Variants in JADE3 observed in about 807,000 individuals in gnomAD.
JADE3 encodes the protein protein Jade-3.
Under a neutral mutation model 50.1 loss-of-function variants are expected in JADE3, and 2 were observed. That is an observed-to-expected ratio of 0.04 (90% CI 0.02 to 0.13). The LOEUF is 0.13. JADE3 is among the 10% of genes least tolerant of loss of function. The probability of loss-of-function intolerance (pLI) is 1.00; values close to 1 mark genes in which losing one functional copy is unlikely to be tolerated. For synonymous variants in JADE3, 218 were observed against 232.9 expected, an observed-to-expected ratio of 0.94 and a Z score of 0.58; for missense variants, 475 against 634.4, an observed-to-expected ratio of 0.75 and a Z score of 2.70.
chrX:46,947,363 G>A (rs1246636259), intron 1 of JADE3, among the ~76,000 whole-genome samples: 3 of 111,449 alleles, frequency 2.7e-5, no homozygotes, highest in Non-Finnish European at 5.7e-5. Flanking sequence ...CCTTGAGCCC[G>A]GAGGGGTAGA....
intron 9 of JADE3, among the ~76,000 whole-genome samples, chrX:47,055,423 G>A (rs1418446943): frequency 4.5e-5 from 5 of 111,375 alleles, no homozygotes; most frequent in African/African-American, 1.6e-4. Flanking sequence ...CTCACATATA[G>A]CACCTACTAT....
intron 1 of JADE3, among the ~76,000 whole-genome samples, chrX:46,967,448 T>C (rs782575188): frequency 1.4e-3 from 160 of 111,877 alleles, no homozygotes; most frequent in Non-Finnish European, 2.3e-3. Context: ...ATAGGAGAAA[T>C]GAATAGAAAG....
intron 3 of JADE3, among the ~76,000 whole-genome samples, chrX:46,997,716 ACTTTT>A (rs781987567): frequency 1.8e-5 from 2 of 112,367 alleles, no homozygotes; most frequent in South Asian, 7.4e-4. Context: ...CTATTTGATA[ACTTTT>A]CTTTAAGTCT....
At chrX:46,988,613 C>T (rs1927914909) in intron 3 of JADE3, among the ~76,000 whole-genome samples, 1 of 111,091 alleles carries the variant, frequency 9.0e-6, no homozygotes, top group Non-Finnish European at 1.9e-5. Context: ...GAGAACAAAC[C>T]TGGAATTGAA....
chrX:46,996,564 G>A (rs782310259), intron 3 of JADE3, among the ~76,000 whole-genome samples: 10 of 112,028 alleles, frequency 8.9e-5, no homozygotes, highest in Non-Finnish European at 1.3e-4. Flanking sequence ...TGCTCCCTCC[G>A]TAGGTTTTAA....
intron 1 of JADE3, among the ~76,000 whole-genome samples, chrX:46,980,267 C>A (rs1392142582): frequency 9.0e-6 from 1 of 111,148 alleles, no homozygotes; most frequent in African/African-American, 3.3e-5. Flanking sequence ...AGTTCATTGT[C>A]AGATATGTGT....
At position 47,058,522 on chromosome X, in the gene JADE3, T is replaced by C; in HGVS notation, c.1917T>C (p.Pro639=). ...ATCATGGGCAGTCACTGGGAAAGCC[T>C]CTGGTCCTTCAGGCTGCCCTCCATG... The part of the protein sequence containing the change: ...ECYHGQSLGK[P]LVLQAALHGQ... The change falls in exon 11 of 11, where the codon CCT becomes CCC. Residue 639 remains proline (P), a synonymous_variant. Coordinates refer to ENST00000614628, the MANE Select transcript of JADE3 (RefSeq NM_014735.5). The C allele has an allele frequency of 8.3e-7, 1 of 1,211,601 alleles. No homozygotes were observed. The highest frequency in any genetic ancestry group is 1.1e-6 in the Non-Finnish European group (1 of 895,422).
intron 7 of JADE3, among the ~76,000 whole-genome samples, chrX:47,035,010 C>T (rs782493176): frequency 9.0e-6 from 1 of 111,286 alleles, no homozygotes; most frequent in African/African-American, 3.3e-5. Flanking sequence ...CATTATCTAG[C>T]CTGGTCCTTC....
intron 1 of JADE3, among the ~76,000 whole-genome samples, chrX:46,968,397 T>C (rs1927411091): frequency 9.0e-6 from 1 of 110,954 alleles, no homozygotes; most frequent in South Asian, 3.9e-4. Flanking sequence ...AAAGTAATGA[T>C]ACAGTGAGTT....
chrX:46,937,407 G>A (rs1450491393), intron 1 of JADE3, among the ~76,000 whole-genome samples: 1 of 111,286 alleles, frequency 9.0e-6, no homozygotes, highest in East Asian at 2.8e-4. Context: ...TTCTGTACAT[G>A]TCAGGTAATG....
intron 8 of JADE3, among the ~76,000 whole-genome samples, chrX:47,043,449 G>A (rs1331185337): frequency 8.9e-6 from 1 of 112,375 alleles, no homozygotes; most frequent in Non-Finnish European, 1.9e-5. Context: ...CTATTTTGAG[G>A]AAGCTCAGCA....
intron 1 of JADE3, among the ~76,000 whole-genome samples, chrX:46,958,498 C>T (rs781883202): frequency 2.5e-4 from 28 of 111,429 alleles, no homozygotes; most frequent in Non-Finnish European, 4.7e-4. Context: ...TCAGGATTAC[C>T]TGCCTGCAGC....
chrX:46,981,737 G>T (rs1012183439), intron 1 of JADE3, among the ~76,000 whole-genome samples: 8 of 112,327 alleles, frequency 7.1e-5, no homozygotes, highest in Non-Finnish European at 1.5e-4. Context: ...CCCACTTAAA[G>T]TATACAATTC....
At chrX:47,054,078 C>A (rs1460267816) in intron 8 of JADE3, 80 bp from the exon 9 acceptor site, 2 of 634,048 alleles carry the variant, frequency 3.2e-6, no homozygotes, top group African/African-American at 2.3e-5. Flanking sequence ...TTCCTACAAG[C>A]TATCAATTTA....
intron 1 of JADE3, among the ~76,000 whole-genome samples, chrX:46,928,668 T>G (rs1447507581): frequency 8.9e-6 from 1 of 112,329 alleles, no homozygotes; most frequent in Non-Finnish European, 1.9e-5. Context: ...ACTGTAACCT[T>G]GAACTTCTGG....
chrX:46,950,745 T>A (rs1926984120), intron 1 of JADE3, among the ~76,000 whole-genome samples: 1 of 112,473 alleles, frequency 8.9e-6, no homozygotes, highest in African/African-American at 3.2e-5. Flanking sequence ...CCTTTTATAG[T>A]CCTACCAATA....
intron 4 of JADE3, among the ~76,000 whole-genome samples, chrX:47,007,063 C>G (rs1389207858): frequency 9.0e-6 from 1 of 110,709 alleles, no homozygotes; most frequent in Non-Finnish European, 1.9e-5. Flanking sequence ...CTTGACCTCC[C>G]AAAGTGCTGG....
Position 46,941,269 on chromosome X carries a change from A to T in JADE3, c.-12+28550A>T, listed in dbSNP as rs782237860. The stretch of plus-strand genomic sequence containing the variant: ...ATTTCATTCTTTTTTATGGCTACAT[A>T]GTATTCTATGGTATATAAGTACCAT... On this transcript the variant is annotated intron_variant, in intron 1 of 10. Transcript: ENST00000614628. 9.8e-5 allele frequency among the ~76,000 whole-genome samples: 11 copies of T among 111,930 alleles called. No individual in the cohort carries two copies. The East Asian group carries it at 2.2e-3, about 23-fold the overall frequency.
intron 7 of JADE3, among the ~76,000 whole-genome samples, chrX:47,037,759 C>A (rs1193042066): frequency 8.9e-6 from 1 of 112,391 alleles, no homozygotes; most frequent in Non-Finnish European, 1.9e-5. Context: ...CCCCTTCAAG[C>A]ATTTATCCTT....
Sources: gnomAD v4.1 joint callset for allele counts (sites outside exome capture counted in the v4.1 genomes callset) on GRCh38, gnomAD v4.1.1 for gene constraint, MANE v1.5 for transcripts, NCBI Gene and HGNC (gene_info 2026-07-23, HGNC 2026-07-21) for gene names.